Variants in SLC9A9 observed in about 807,000 individuals in gnomAD.
The protein encoded by SLC9A9 is solute carrier family 9 member A9.
Under a neutral mutation model 77.8 loss-of-function variants are expected in SLC9A9, and 62 were observed. The ratio of observed to expected loss-of-function variants is 0.80; its 90% confidence interval spans 0.65 to 0.98. The LOEUF is 0.98. Ranked by LOEUF, SLC9A9 falls within the 50% of genes least tolerant of loss-of-function variation. SLC9A9 has a pLI of 0.00. For missense variants in SLC9A9, 775 were observed against 774.9 expected (o/e 1.00, Z 0.00); for synonymous variants, 320 against 283.5 (o/e 1.13, Z -1.29).
chr3:143,400,786 C>T (rs2108511852), intron 12 of SLC9A9, among the ~76,000 whole-genome samples: 1 of 150,320 alleles, frequency 6.7e-6, no homozygotes, highest in Middle Eastern at 3.5e-3. Flanking sequence ...CTTTTAGTCA[C>T]TGGGTGGAAT....
intron 14 of SLC9A9, among the ~76,000 whole-genome samples, chr3:143,310,028 C>T (rs1019679711): frequency 6.6e-6 from 1 of 152,364 alleles, no homozygotes; most frequent in East Asian, 1.9e-4. Flanking sequence ...TTCACATGAA[C>T]TGGCTCAGGA....
At chr3:143,608,716 G>T (rs2037968326) in intron 6 of SLC9A9, among the ~76,000 whole-genome samples, 1 of 152,016 alleles carries the variant, frequency 6.6e-6, no homozygotes, top group Admixed American at 6.6e-5. Context: ...ATTGCTTATG[G>T]GTACAGACAG....
intron 6 of SLC9A9, among the ~76,000 whole-genome samples, chr3:143,650,144 C>G (rs1019551211): frequency 6.6e-6 from 1 of 152,030 alleles, no homozygotes; most frequent in Non-Finnish European, 1.5e-5. Flanking sequence ...TCAAAGGCAT[C>G]GAGATACCAC....
At chr3:143,618,679 G>T (rs1475095854) in intron 6 of SLC9A9, among the ~76,000 whole-genome samples, 1 of 152,164 alleles carries the variant, frequency 6.6e-6, no homozygotes, top group African/African-American at 2.4e-5. Context: ...CACTACAGGG[G>T]AGACATTTCT....
intron 13 of SLC9A9, among the ~76,000 whole-genome samples, chr3:143,373,627 A>AAAAAAAAAAAC (rs2033108372): frequency 6.6e-6 from 1 of 151,358 alleles, no homozygotes; most frequent in Non-Finnish European, 1.5e-5. Context: ...AAAAAAAAAA[A>AAAAAAAAAAAC]AATAGCCATT....
At chr3:143,820,389 T>C (rs79104507) in intron 2 of SLC9A9, among the ~76,000 whole-genome samples, 3,052 of 152,304 alleles carry the variant, frequency 0.02, 89 homozygotes, top group African/African-American at 0.063. Flanking sequence ...CTCTTCTATG[T>C]TTTGCGTAAG....
chr3:143,709,536 CA>C (rs1427491995), intron 4 of SLC9A9, among the ~76,000 whole-genome samples: 2 of 152,114 alleles, frequency 1.3e-5, no homozygotes, highest in Non-Finnish European at 2.9e-5. Flanking sequence ...ATAGCTCAGC[CA>C]TTAGTGTACC....
chr3:143,699,960 A>T (rs987056299), intron 4 of SLC9A9, among the ~76,000 whole-genome samples: 28 of 151,872 alleles, frequency 1.8e-4, no homozygotes, highest in African/African-American at 5.8e-4. Flanking sequence ...AGAGAAGAGT[A>T]AGGAGGACTT....
intron 11 of SLC9A9, among the ~76,000 whole-genome samples, chr3:143,468,773 A>G (rs1354090262): frequency 3.3e-5 from 5 of 152,246 alleles, no homozygotes; most frequent in Non-Finnish European, 5.9e-5. Flanking sequence ...AAACTAGTAT[A>G]TTAAAACCTG....
At chr3:143,619,487 C>T (rs1346289833) in intron 6 of SLC9A9, among the ~76,000 whole-genome samples, 1 of 152,172 alleles carries the variant, frequency 6.6e-6, no homozygotes, top group Non-Finnish European at 1.5e-5. Flanking sequence ...ATTTTCCATG[C>T]ATAGCAGTCA....
intron 6 of SLC9A9, among the ~76,000 whole-genome samples, chr3:143,595,723 G>T (rs1168652225): frequency 6.6e-6 from 1 of 152,150 alleles, no homozygotes; most frequent in Non-Finnish European, 1.5e-5. Flanking sequence ...CAGGACAAAG[G>T]ATATATGGGA....
intron 6 of SLC9A9, among the ~76,000 whole-genome samples, chr3:143,619,285 T>C (rs2038157722): frequency 6.6e-6 from 1 of 152,186 alleles, no homozygotes; most frequent in African/African-American, 2.4e-5. Context: ...AGAGAACTTG[T>C]CATAAATGTT....
At chr3:143,312,215 A>T (rs1431791289) in intron 14 of SLC9A9, among the ~76,000 whole-genome samples, 1 of 152,264 alleles carries the variant, frequency 6.6e-6, no homozygotes, top group African/African-American at 2.4e-5. Context: ...TTAAAAATGT[A>T]TTGCCACAAG....
At chr3:143,420,948 C>T (rs1436508765) in intron 12 of SLC9A9, among the ~76,000 whole-genome samples, 2 of 152,038 alleles carry the variant, frequency 1.3e-5, no homozygotes, top group Non-Finnish European at 2.9e-5. Context: ...TTTCAGAATA[C>T]AAAATCAATG....
chr3:143,835,503 A>G (rs1375311428), intron 1 of SLC9A9, among the ~76,000 whole-genome samples: 1 of 152,246 alleles, frequency 6.6e-6, no homozygotes, highest in Non-Finnish European at 1.5e-5. Flanking sequence ...TGCTTTTTAT[A>G]GTGAAACATC....
intron 6 of SLC9A9, among the ~76,000 whole-genome samples, chr3:143,615,332 A>G (rs1213051271): frequency 6.6e-6 from 1 of 152,232 alleles, no homozygotes; most frequent in Non-Finnish European, 1.5e-5. Context: ...TTATGAATGA[A>G]TCACCTGGTA....
chr3:143,278,844 G>C (rs1938129092), intron 14 of SLC9A9, among the ~76,000 whole-genome samples: 2 of 152,162 alleles, frequency 1.3e-5, no homozygotes, highest in African/African-American at 4.8e-5. Context: ...CAAGTTTTCT[G>C]TATTTTTTTT....
intron 13 of SLC9A9, among the ~76,000 whole-genome samples, chr3:143,379,606 C>T (rs898018377): frequency 3.6e-4 from 55 of 152,350 alleles, no homozygotes; most frequent in African/African-American, 1.1e-3. Flanking sequence ...ACGCTACTTA[C>T]TTAACATTTA....
intron 4 of SLC9A9, among the ~76,000 whole-genome samples, chr3:143,779,836 G>A (rs752869147): frequency 3.3e-5 from 5 of 152,194 alleles, no homozygotes; most frequent in Admixed American, 6.5e-5. Context: ...TAGAGTAGAC[G>A]TCCTATGTAT....
Sources: allele counts gnomAD v4.1 joint callset (sites outside exome capture counted in the v4.1 genomes callset), GRCh38; gene constraint gnomAD v4.1.1; transcripts MANE v1.5; gene names NCBI Gene and HGNC (gene_info 2026-07-23, HGNC 2026-07-21).